The following TNFAIP8 variants were observed in gnomAD, a reference collection of about 807,000 sequenced individuals.
TNFAIP8 encodes tumor necrosis factor alpha-induced protein 8.
TNFAIP8 carries 7 observed loss-of-function variants against 13.3 expected under a neutral mutation model. The ratio of observed to expected loss-of-function variants is 0.52; its 90% CI spans 0.30 to 0.99. The LOEUF (loss-of-function observed/expected upper bound fraction) is 0.99, where lower values mean the gene tolerates loss of function less well. Ranked by LOEUF, TNFAIP8 falls within the 50% of genes least tolerant of loss-of-function variation. The pLI is 0.07. For synonymous variants in TNFAIP8, 94 were observed against 87.6 expected (o/e 1.07, Z -0.41); for missense variants, 258 against 236.9 (o/e 1.09, Z -0.58).
intron 1 of TNFAIP8, among the ~76,000 whole-genome samples, chr5:119,387,611 AC>A (rs1310736173): frequency 1.3e-5 from 2 of 152,188 alleles, no homozygotes; most frequent in Non-Finnish European, 2.9e-5. Flanking sequence ...ATAACAAAGG[AC>A]TTTTTTTTCC....
At chr5:119,278,681 A>G (rs1748540110) in intron 1 of TNFAIP8, among the ~76,000 whole-genome samples, 1 of 152,116 alleles carries the variant, frequency 6.6e-6, no homozygotes, top group African/African-American at 2.4e-5. Flanking sequence ...CTGGGCTCCC[A>G]TTCCCTAAAG....
At position 119,324,560 on chromosome 5, in the gene TNFAIP8, A is replaced by G. The variant is rs1750161181; in HGVS notation, c.1+55653A>G. The stretch of plus-strand genomic sequence containing the variant: ...TTCGCTTTGAAAATTCCCTGAAAAG[A>G]CAGAAGATTGCCCCAGCCGCCTCCT... On this transcript the variant is annotated intron_variant, in intron 1 of 1. Transcript: ENST00000274456. Among the ~76,000 whole-genome samples the G allele has an allele frequency of 3.9e-5, 6 of 152,044 alleles. No homozygotes were observed. In the South Asian group the frequency reaches 1.2e-3, roughly 31 times the overall value.
At chr5:119,309,346 G>GA (rs1749660958) in intron 1 of TNFAIP8, among the ~76,000 whole-genome samples, 1 of 151,852 alleles carries the variant, frequency 6.6e-6, no homozygotes, top group South Asian at 2.1e-4. Flanking sequence ...TTTGTTAAAG[G>GA]AAAAAAAGAC....
intron 1 of TNFAIP8, among the ~76,000 whole-genome samples, chr5:119,336,069 A>G (rs964788291): frequency 3.3e-5 from 5 of 152,148 alleles, no homozygotes; most frequent in Non-Finnish European, 7.4e-5. Context: ...GATGTGTTCC[A>G]GAAACAGTAC....
chr5:119,382,694 TAGAG>T (rs1752530720), intron 1 of TNFAIP8, among the ~76,000 whole-genome samples: 1 of 152,214 alleles, frequency 6.6e-6, no homozygotes, highest in Non-Finnish European at 1.5e-5. Flanking sequence ...AACTGAGGCA[TAGAG>T]AGGTTAGATA....
intron 1 of TNFAIP8, among the ~76,000 whole-genome samples, chr5:119,343,970 T>C (rs917682692): frequency 4.6e-5 from 7 of 152,242 alleles, no homozygotes; most frequent in Non-Finnish European, 7.3e-5. Flanking sequence ...AAACCACTCA[T>C]ATCTATGTGT....
chr5:119,372,819 G>A (rs1223418140), intron 1 of TNFAIP8, among the ~76,000 whole-genome samples: 1 of 152,066 alleles, frequency 6.6e-6, no homozygotes, highest in African/African-American at 2.4e-5. Flanking sequence ...AAATTAGCCA[G>A]GCATGGTGGC....
intron 1 of TNFAIP8, among the ~76,000 whole-genome samples, chr5:119,326,870 TAGA>T (rs1750241223): frequency 6.6e-6 from 1 of 152,172 alleles, no homozygotes; most frequent in African/African-American, 2.4e-5. Context: ...TATGGAGCCC[TAGA>T]AGAGAAGCTG....
intron 1 of TNFAIP8, among the ~76,000 whole-genome samples, chr5:119,287,504 T>C (rs114278019): frequency 0.011 from 1,609 of 152,112 alleles, 37 homozygotes; most frequent in African/African-American, 0.037. Flanking sequence ...AAGTAAACAA[T>C]ACAGAATTAT....
At chr5:119,333,584 G>A in intron 1 of TNFAIP8, 1 of 1,535,606 alleles carries the variant, frequency 6.5e-7, no homozygotes, top group South Asian at 1.2e-5. Context: ...CCAAGATACT[G>A]TGAAGTTGTC....
chr5:119,297,840 G>C (rs1749226811), intron 1 of TNFAIP8, among the ~76,000 whole-genome samples: 1 of 152,192 alleles, frequency 6.6e-6, no homozygotes, highest in African/African-American at 2.4e-5. Context: ...TTGTTGAATT[G>C]ATCCCTTTAC....
chr5:119,307,910 C>A (rs1749614915), intron 1 of TNFAIP8, among the ~76,000 whole-genome samples: 1 of 152,196 alleles, frequency 6.6e-6, no homozygotes, highest in Non-Finnish European at 1.5e-5. Context: ...TTATCAGTAG[C>A]TAGTACTGTC....
At position 119,395,741 on chromosome 5, in the gene TNFAIP8, G is replaced by A. The variant is rs1753058152; in HGVS notation, c.*2360G>A. ...TAGCAAGTTCATTTCTAATACAATA[G>A]GACTCCCCTTGAGCATTTAGGGTGG... On this transcript the variant is annotated 3_prime_UTR_variant, in exon 2 of 2. Transcript: ENST00000504771. The A allele has an allele frequency of 6.6e-6, 1 of 152,158 alleles. No individual in the cohort carries two copies. Among genetic ancestry groups the A allele is most frequent in the Non-Finnish European group, 1.5e-5 (1 of 68,030 alleles). 9.4% of individuals were successfully genotyped at this position (152,158 alleles called of 1,614,324 possible). A position where few individuals can be genotyped will look rare whatever the true frequency, so the allele number is the denominator to read the frequency against.
chr5:119,328,284 A>T (rs6875361), intron 1 of TNFAIP8, among the ~76,000 whole-genome samples: 14,567 of 152,144 alleles, frequency 0.096, 799 homozygotes, highest in African/African-American at 0.16. Flanking sequence ...AAGTGCTGGG[A>T]TTACAGGCAT....
intron 1 of TNFAIP8, among the ~76,000 whole-genome samples, chr5:119,389,816 G>C (rs1047951856): frequency 2.0e-5 from 3 of 152,140 alleles, no homozygotes; most frequent in Non-Finnish European, 4.4e-5. Flanking sequence ...CTGGAGCGGG[G>C]TTTGAAGTTC....
intron 1 of TNFAIP8, among the ~76,000 whole-genome samples, chr5:119,312,528 T>G (rs1161872105): frequency 6.6e-6 from 1 of 152,038 alleles, no homozygotes; most frequent in Non-Finnish European, 1.5e-5. Context: ...CTTAATGACA[T>G]ACACCGGGAC....
intron 1 of TNFAIP8, among the ~76,000 whole-genome samples, chr5:119,370,101 T>A (rs939102157): frequency 5.9e-5 from 9 of 152,208 alleles, no homozygotes; most frequent in Non-Finnish European, 1.2e-4. Flanking sequence ...TTCTTTTTTT[T>A]ATTGTTTTTT....
intron 1 of TNFAIP8, among the ~76,000 whole-genome samples, chr5:119,369,166 C>A (rs540846119): frequency 1.3e-5 from 2 of 151,418 alleles, no homozygotes; most frequent in East Asian, 3.9e-4. Context: ...TGATTCTCCT[C>A]CCTCAGCCTC....
intron 1 of TNFAIP8, among the ~76,000 whole-genome samples, chr5:119,363,525 A>C (rs1751709690): frequency 6.6e-6 from 1 of 152,210 alleles, no homozygotes; most frequent in African/African-American, 2.4e-5. Context: ...ATTTGCCTAC[A>C]GGCCTCTTCC....
Sources: gnomAD v4.1 joint callset for allele counts (sites outside exome capture counted in the v4.1 genomes callset) on GRCh38, gnomAD v4.1.1 for gene constraint, MANE v1.5 for transcripts, NCBI Gene and HGNC (gene_info 2026-07-23, HGNC 2026-07-21) for gene names.